Variants in GRAMD1C observed in about 807,000 individuals in gnomAD.
GRAMD1C encodes GRAM domain containing 1C.
In GRAMD1C, 89 loss-of-function variants were observed where a neutral mutation model predicts 97.8. That is an observed-to-expected ratio of 0.91 (90% CI 0.77 to 1.09). The LOEUF is 1.09. GRAMD1C is among the 50% of genes least tolerant of loss of function. The pLI is 0.00. For missense variants in GRAMD1C, 740 were observed against 766.4 expected (o/e 0.97, Z 0.41); for synonymous variants, 256 against 267.0 (o/e 0.96, Z 0.40).
chr3:113,878,955 C>G (rs1436858028), intron 5 of GRAMD1C, among the ~76,000 whole-genome samples: 1 of 152,096 alleles, frequency 6.6e-6, no homozygotes, highest in African/African-American at 2.4e-5. Context: ...ACCTGTAATC[C>G]CAGCACTTTG....
At chr3:113,940,407 T>C (rs1212159633) in intron 17 of GRAMD1C, 62 bp downstream of exon 17, 1 of 930,318 alleles carries the variant, frequency 1.1e-6, no homozygotes, top group East Asian at 2.4e-5. Flanking sequence ...TAGTTGCTCT[T>C]CTGTGTATGA....
chr3:113,893,523 G>C (rs1935814597), intron 6 of GRAMD1C, among the ~76,000 whole-genome samples: 1 of 151,972 alleles, frequency 6.6e-6, no homozygotes, highest in African/African-American at 2.4e-5. Flanking sequence ...TCTATAATAT[G>C]CATTACAGTT....
At chr3:113,887,372 G>A (rs1935546574) in intron 6 of GRAMD1C, among the ~76,000 whole-genome samples, 1 of 151,826 alleles carries the variant, frequency 6.6e-6, no homozygotes, top group East Asian at 2.0e-4. Flanking sequence ...GATTACAGGT[G>A]TGAGCCACCA....
intron 2 of GRAMD1C, among the ~76,000 whole-genome samples, chr3:113,863,359 C>A (rs1934469898): frequency 1.3e-5 from 2 of 152,074 alleles, no homozygotes; most frequent in Admixed American, 1.3e-4. Context: ...GAGTGCATAT[C>A]ATTGATTGCA....
chr3:113,945,240 C>T (rs1190348478), intron 17 of GRAMD1C, among the ~76,000 whole-genome samples, 158 bp from the exon 18 acceptor site: 1 of 151,932 alleles, frequency 6.6e-6, no homozygotes, highest in African/African-American at 2.4e-5. Context: ...TGATAGATAC[C>T]CCAAAGAATC....
chr3:113,843,197 C>T (rs536000122), intron 1 of GRAMD1C, among the ~76,000 whole-genome samples: 1 of 151,886 alleles, frequency 6.6e-6, no homozygotes, highest in African/African-American at 2.4e-5. Flanking sequence ...ACCTCAGCCT[C>T]CTGAACAACT....
chr3:113,945,449 A>G lies in GRAMD1C; in HGVS notation c.1960A>G (p.Asn654Asp). Residue 654 changes from asparagine to aspartate, a missense_variant, in exon 18 of 18, where the codon AAT becomes GAT. Asn to Asp is a conservative substitution (Grantham distance 23, BLOSUM62 1). Transcript: ENST00000358160. ...LQKTFDLLNK[N>D]KTGMAVES Reference sequence around the variant, plus strand: ...GAAAACGTTTGATCTACTAAATAAGAATAAGACTGGCATGGCTGTTGAAAG... The same window carrying G: ...GAAAACGTTTGATCTACTAAATAAGGATAAGACTGGCATGGCTGTTGAAAG... 1 of 1,596,310 alleles carries G rather than the reference A, an allele frequency of 6.3e-7. No individual in the cohort carries two copies. The highest frequency in any genetic ancestry group is 8.6e-7 in the Non-Finnish European group (1 of 1,164,404).
intron 16 of GRAMD1C, 103 bp downstream of exon 16, chr3:113,940,099 T>C (rs1314015600): frequency 1.3e-5 from 11 of 861,960 alleles, no homozygotes; most frequent in South Asian, 1.2e-4. Context: ...CTGCTAACTA[T>C]CCTGTAGCCA....
rs1273119629 is a variant in GRAMD1C, at chr3:113,912,663, G to A, written c.953-3038G>A. On this transcript the variant is annotated intron_variant, in intron 9 of 17. Transcript: ENST00000358160. ...CAGGAGCATCACTTGAGCCCCAGGA[G>A]ATCAAGGCTGCAGTGAGCTATGATC... is the stretch of plus-strand genomic sequence containing the variant. Among the ~76,000 whole-genome samples, 3 of 151,696 alleles carry A rather than the reference G, an allele frequency of 2.0e-5. No homozygotes were observed. The East Asian group carries it at 5.8e-4, about 29-fold the overall frequency.
chr3:113,928,504 A>T (rs1302745501), intron 10 of GRAMD1C, among the ~76,000 whole-genome samples: 1 of 152,208 alleles, frequency 6.6e-6, no homozygotes, highest in Non-Finnish European at 1.5e-5. Context: ...CCATTTAACC[A>T]TTTTTAAGTG....
At chr3:113,886,019 T>A in intron 6 of GRAMD1C, 1 of 1,312,602 alleles carries the variant, frequency 7.6e-7, no homozygotes, top group Non-Finnish European at 1.0e-6. Flanking sequence ...TTCACCAACA[T>A]CGGCTCTGGT....
chr3:113,938,050 C>A, intron 14 of GRAMD1C, 36 bp from the exon 15 acceptor site: 17 of 1,040,498 alleles, frequency 1.6e-5, no homozygotes, highest in Non-Finnish European at 2.3e-5. Flanking sequence ...AATCACAATT[C>A]TCATTCTAAT....
chr3:113,873,024 C>A (rs1480092399), intron 3 of GRAMD1C, among the ~76,000 whole-genome samples: 1 of 139,934 alleles, frequency 7.1e-6, no homozygotes, highest in African/African-American at 2.7e-5. Flanking sequence ...ACCTGGGAGG[C>A]GGAGCTTGCA....
rs375481447 is a variant in GRAMD1C, at chr3:113,944,420, G to A, written c.1909-978G>A. On this transcript the variant is annotated intron_variant, in intron 17 of 17. Coordinates refer to ENST00000358160, the MANE Select transcript of GRAMD1C (RefSeq NM_017577.5). ...TCAGATAGCAGCAACTCCCAAGTCC[G>A]TATCTCTCACCTCGACCTGAGCTCT... 1.2e-4 allele frequency among the ~76,000 whole-genome samples: 18 copies of A among 152,292 alleles called. No individual in the cohort carries two copies. In the South Asian group the frequency reaches 3.5e-3, roughly 30 times the overall value.
chr3:113,941,987 C>G (rs1937813281), intron 17 of GRAMD1C, among the ~76,000 whole-genome samples: 2 of 151,252 alleles, frequency 1.3e-5, no homozygotes. Context: ...ATGAACACGG[C>G]TCACTGCAGC....
Position 113,915,824 on chromosome 3 carries a change from C to A in GRAMD1C, c.1076C>A (p.Ser359Tyr). 4 of 1,610,100 alleles carry A rather than the reference C, an allele frequency of 2.5e-6. No homozygotes were observed. The highest frequency in any genetic ancestry group is 2.2e-5 in the East Asian group (1 of 44,718). The change falls in exon 10 of 18, where the codon TCT (serine) becomes TAT (tyrosine). Residue 359 changes from serine (S) to tyrosine (Y), a missense_variant. Coordinates refer to ENST00000358160, the MANE Select transcript of GRAMD1C (RefSeq NM_017577.5). The stretch of plus-strand genomic sequence containing the variant: ...CGCTTTATGCAGAAATTTGCCAGTT[C>A]TAGAAATATAATAGGTTAGTCCTTG... ...SSRFMQKFAS[S>Y]RNIIDVVSTP... is the part of the protein sequence containing the mutation.
intron 2 of GRAMD1C, among the ~76,000 whole-genome samples, chr3:113,846,485 T>C (rs1482116668): frequency 1.3e-5 from 2 of 152,174 alleles, no homozygotes; most frequent in Non-Finnish European, 2.9e-5. Context: ...CAGGGCTAAG[T>C]AGTTACTGTG....
intron 6 of GRAMD1C, chr3:113,897,753 C>T (rs1281183821): frequency 1.0e-6 from 1 of 984,646 alleles, no homozygotes; most frequent in East Asian, 1.1e-4. Flanking sequence ...CTGCTTGGTT[C>T]ATCTTTATTT....
At position 113,861,206 on chromosome 3, in the gene GRAMD1C, A is replaced by G. The variant is rs78423330; in HGVS notation, c.175-8301A>G. Among the ~76,000 whole-genome samples the G allele has an allele frequency of 5.3e-3, 814 of 152,294 alleles. 2 individuals are homozygous for G. The highest frequency in any genetic ancestry group is 0.01 in the Middle Eastern group (3 of 294). ...CGAATCAACTTGAAATTTATCATAGACTTACATGTAAGAGCTAAAACTAAA... is the reference window on the plus strand; with the variant it reads ...CGAATCAACTTGAAATTTATCATAGGCTTACATGTAAGAGCTAAAACTAAA... On this transcript the variant is annotated intron_variant, in intron 2 of 17. Transcript: ENST00000358160.
Sources: allele counts gnomAD v4.1 joint callset (sites outside exome capture counted in the v4.1 genomes callset), GRCh38; gene constraint gnomAD v4.1.1; transcripts MANE v1.5; gene names NCBI Gene and HGNC (gene_info 2026-07-23, HGNC 2026-07-21).